Variants in TMEFF1 observed in about 807,000 individuals in gnomAD.
TMEFF1 encodes the protein transmembrane protein with EGF like and two follistatin like domains 1.
In TMEFF1, 20 loss-of-function variants were observed where a neutral mutation model predicts 47.5. The observed-to-expected ratio is 0.42, with a 90% confidence interval of 0.30 to 0.61. The LOEUF is 0.61. Among genes scored for constraint, TMEFF1 ranks in the 20% least tolerant of loss-of-function variants. TMEFF1 has a pLI of 0.19. For synonymous variants in TMEFF1, 162 were observed against 166.3 expected, an observed-to-expected ratio of 0.97 and a Z score of 0.20; for missense variants, 411 against 471.1, an observed-to-expected ratio of 0.87 and a Z score of 1.18.
Position 100,577,206 on chromosome 9 carries a change from C to G in TMEFF1, c.*606C>G, listed in dbSNP as rs1449658417. The G allele has an allele frequency of 6.6e-6, 1 of 152,362 alleles. No individual in the cohort carries two copies. Among genetic ancestry groups the G allele is most frequent in the African/African-American group, 2.4e-5 (1 of 41,372 alleles). The allele number at this position is 152,362 out of a possible 1,614,324, so 9.4% of individuals were successfully genotyped here. The stretch of plus-strand genomic sequence containing the variant: ...ATATGTTAGTAATGATGGAACAGAT[C>G]AATGAAAAGTAGATATAGATATTGT... On this transcript the variant is annotated 3_prime_UTR_variant, in exon 10 of 10. Transcript: ENST00000374879.
At chr9:100,502,815 C>T (rs1366022156) in intron 2 of TMEFF1, among the ~76,000 whole-genome samples, 3 of 152,156 alleles carry the variant, frequency 2.0e-5, no homozygotes, top group Non-Finnish European at 4.4e-5. Context: ...TGTGGCAAAG[C>T]AGGGAAGGAA....
chr9:100,554,153 C>T (rs1587853003), intron 7 of TMEFF1, among the ~76,000 whole-genome samples: 2 of 152,140 alleles, frequency 1.3e-5, no homozygotes, highest in African/African-American at 4.8e-5. Flanking sequence ...TGCAGCTGGC[C>T]AGGGATACCT....
chr9:100,552,908 G>A (rs1198860785), intron 7 of TMEFF1, among the ~76,000 whole-genome samples: 3 of 151,210 alleles, frequency 2.0e-5, no homozygotes, highest in African/African-American at 7.3e-5. Context: ...ATGTTCAATA[G>A]CCAGATATGA....
chr9:100,570,223 T>C (rs1217757546), intron 8 of TMEFF1, among the ~76,000 whole-genome samples: 1 of 152,206 alleles, frequency 6.6e-6, no homozygotes, highest in Non-Finnish European at 1.5e-5. Context: ...CTATTGTGAA[T>C]AATGCTGCAA....
At chr9:100,573,334 G>A (rs76108113) in intron 9 of TMEFF1, among the ~76,000 whole-genome samples, 11,343 of 152,174 alleles carry the variant, frequency 0.075, 496 homozygotes, top group South Asian at 0.14. Flanking sequence ...GGATTGCAGC[G>A]ATAAGTAATA....
At chr9:100,480,412 G>A (rs568181376) in intron 1 of TMEFF1, among the ~76,000 whole-genome samples, 2 of 152,192 alleles carry the variant, frequency 1.3e-5, no homozygotes, top group South Asian at 2.1e-4. Context: ...TACTCAAATC[G>A]ATGAAATATG....
rs1473621417 is a variant in TMEFF1, at chr9:100,516,759, C to G, written c.548C>G (p.Ala183Gly). 1.2e-6 allele frequency: 2 copies of G among 1,612,772 alleles called. No individual in the cohort carries two copies. The highest frequency in any genetic ancestry group is 1.1e-5 in the South Asian group (1 of 90,778). The change falls in exon 5 of 10, where the codon GCA becomes GGA. Residue 183 changes from alanine to glycine, a missense_variant. Physicochemically the swap from Ala to Gly is moderately conservative, Grantham distance 60. Transcript: ENST00000374879. ...TATAAAGCTGAGTGTGATGAAGATG[C>G]AGAAAATGTTGGGTGAGTTGGTTGA... ...CKYKAECDED[A>G]ENVGCVCNID...
At chr9:100,561,666 A>G in intron 8 of TMEFF1, 146 bp downstream of exon 8, 1 of 1,282,288 alleles carries the variant, frequency 7.8e-7, no homozygotes. Flanking sequence ...CAGCAGCATC[A>G]TTTGGAAAAA....
intron 5 of TMEFF1, among the ~76,000 whole-genome samples, chr9:100,517,265 G>A (rs1367265245): frequency 6.6e-6 from 1 of 151,938 alleles, no homozygotes; most frequent in Non-Finnish European, 1.5e-5. Context: ...ATTTTCCTGT[G>A]GTGCTGGCTT....
rs540485255 is a variant in TMEFF1, at chr9:100,533,047, A to G, written c.561-14697A>G. 2.4e-4 allele frequency among the ~76,000 whole-genome samples: 32 copies of G among 135,730 alleles called. No homozygotes were observed. The South Asian group carries it at 4.4e-3, about 19-fold the overall frequency. The allele number at this position is 135,730 out of a possible 152,430, so 89.0% of individuals were successfully genotyped here. On this transcript the variant is annotated intron_variant, in intron 5 of 9. Coordinates refer to ENST00000374879, the MANE Select transcript of TMEFF1 (RefSeq NM_003692.5). ...GGTGGGAATTGAACAATGAGATCAC[A>G]TGGACACAGGAAGGGGAATATCACA...
intron 5 of TMEFF1, among the ~76,000 whole-genome samples, chr9:100,526,875 C>T (rs944237249): frequency 5.7e-5 from 8 of 140,808 alleles, no homozygotes; most frequent in South Asian, 2.2e-4. Flanking sequence ...TTTGGGAGAC[C>T]GAGGTGGGCA....
At chr9:100,576,417 T>A in intron 9 of TMEFF1, 99 bp from the exon 10 acceptor site, 1 of 1,463,434 alleles carries the variant, frequency 6.8e-7, no homozygotes, top group Non-Finnish European at 9.2e-7. Context: ...GCAATGTGGC[T>A]TTATGTGCAA....
intron 1 of TMEFF1, among the ~76,000 whole-genome samples, chr9:100,481,896 C>T (rs563918057): frequency 3.3e-5 from 5 of 152,176 alleles, no homozygotes; most frequent in East Asian, 3.9e-4. Flanking sequence ...ATTCTCCTGC[C>T]TTAGCCTCCT....
intron 3 of TMEFF1, among the ~76,000 whole-genome samples, chr9:100,510,239 C>T (rs1419353836): frequency 6.6e-6 from 1 of 152,170 alleles, no homozygotes; most frequent in East Asian, 1.9e-4. Flanking sequence ...GCTAGAAGGG[C>T]TAACAGACTC....
chr9:100,518,217 A>G (rs1157340334), intron 5 of TMEFF1, among the ~76,000 whole-genome samples: 5 of 152,170 alleles, frequency 3.3e-5, no homozygotes, highest in Admixed American at 1.3e-4. Context: ...CTGTAATCCC[A>G]GTGCTTTGGG....
At chr9:100,567,549 T>G (rs1007581973) in intron 8 of TMEFF1, among the ~76,000 whole-genome samples, 1 of 152,206 alleles carries the variant, frequency 6.6e-6, no homozygotes, top group African/African-American at 2.4e-5. Context: ...TTCTGTTCAC[T>G]GATACATCCC....
intron 5 of TMEFF1, among the ~76,000 whole-genome samples, chr9:100,531,950 A>C (rs1050123323): frequency 6.7e-6 from 1 of 150,100 alleles, no homozygotes; most frequent in Non-Finnish European, 1.5e-5. Context: ...ATCTACAACT[A>C]TCTGATCTTT....
At chr9:100,575,901 A>G (rs2118591859) in intron 9 of TMEFF1, among the ~76,000 whole-genome samples, 1 of 152,176 alleles carries the variant, frequency 6.6e-6, no homozygotes, top group African/African-American at 2.4e-5. Context: ...TGGTAAAATG[A>G]GAGCAGAGTT....
At chr9:100,557,369 T>A (rs1274689662) in intron 7 of TMEFF1, among the ~76,000 whole-genome samples, 1 of 152,130 alleles carries the variant, frequency 6.6e-6, no homozygotes, top group Non-Finnish European at 1.5e-5. Context: ...TGTGCTGCTC[T>A]TCAAAAGGCC....
Sources: gnomAD v4.1 joint callset for allele counts (sites outside exome capture counted in the v4.1 genomes callset) on GRCh38, gnomAD v4.1.1 for gene constraint, MANE v1.5 for transcripts, NCBI Gene and HGNC (gene_info 2026-07-23, HGNC 2026-07-21) for gene names.